The following USP25 variants were observed in gnomAD, a reference collection of about 807,000 sequenced individuals.
The protein encoded by USP25 is ubiquitin specific peptidase 25, also known as ubiquitin carboxyl-terminal hydrolase 25.
USP25 carries 85 observed loss-of-function variants against 158.5 expected under a neutral mutation model. The observed-to-expected ratio is 0.54, with a 90% CI of 0.45 to 0.64. USP25 has a LOEUF of 0.64. USP25 is among the 30% of genes least tolerant of loss of function. USP25 has a pLI of 0.00. For missense variants in USP25, 1,242 were observed against 1,327.3 expected, an observed-to-expected ratio of 0.94 and a Z score of 1.00; for synonymous variants, 464 against 460.4, an observed-to-expected ratio of 1.01 and a Z score of -0.10.
chr21:15,771,318 G>A (rs980007549), intron 3 of USP25, among the ~76,000 whole-genome samples: 1 of 152,052 alleles, frequency 6.6e-6, no homozygotes, highest in South Asian at 2.1e-4. Context: ...GCTCATATTT[G>A]AGGAACAGTA....
At chr21:15,771,766 C>T (rs1045275949) in intron 3 of USP25, among the ~76,000 whole-genome samples, 4 of 151,682 alleles carry the variant, frequency 2.6e-5, no homozygotes, top group African/African-American at 9.7e-5. Flanking sequence ...TGTATGTAGA[C>T]TTTTCCCTTC....
chr21:15,763,063 A>G, intron 2 of USP25, 95 bp downstream of exon 2: 2 of 1,141,758 alleles, frequency 1.8e-6, no homozygotes, highest in Non-Finnish European at 2.4e-6. Context: ...GGGGTATACC[A>G]TGTGGTAGTT....
At chr21:15,877,519 CCT>C in intron 24 of USP25, 1 of 226,052 alleles carries the variant, frequency 4.4e-6, no homozygotes, top group Non-Finnish European at 8.5e-6. Context: ...AAAAATGGCC[CCT>C]GTGTTGATGA....
intron 9 of USP25, among the ~76,000 whole-genome samples, chr21:15,818,161 A>G (rs1282257719): frequency 6.6e-6 from 1 of 152,162 alleles, no homozygotes; most frequent in Non-Finnish European, 1.5e-5. Context: ...CTGAGCTTAA[A>G]TGTCCTTTGC....
intron 22 of USP25, 112 bp from the exon 23 acceptor site, chr21:15,869,956 T>G: frequency 1.4e-6 from 1 of 730,480 alleles, no homozygotes; most frequent in Non-Finnish European, 2.1e-6. Context: ...TTTTGAACTC[T>G]TTATTTCTAT....
At chr21:15,825,180 G>A (rs924521181) in intron 12 of USP25, 119 bp downstream of exon 12, 20 of 684,104 alleles carry the variant, frequency 2.9e-5, no homozygotes, top group Non-Finnish European at 4.3e-5. Flanking sequence ...TTAATATTGT[G>A]TGAATAGTTT....
At chr21:15,735,295 A>G (rs184548037) in intron 1 of USP25, among the ~76,000 whole-genome samples, 3 of 151,594 alleles carry the variant, frequency 2.0e-5, no homozygotes, top group Admixed American at 1.3e-4. Context: ...AATATTCTGG[A>G]AAAAAAAAGC....
chr21:15,749,022 T>A (rs1027356911), intron 1 of USP25, among the ~76,000 whole-genome samples: 31 of 152,144 alleles, frequency 2.0e-4, no homozygotes, highest in Non-Finnish European at 3.5e-4. Flanking sequence ...GTTTTTTTTT[T>A]TAATTTTTTT....
chr21:15,830,397 G>T (rs2037738781), intron 14 of USP25, 134 bp from the exon 15 acceptor site: 2 of 595,880 alleles, frequency 3.4e-6, no homozygotes, highest in East Asian at 6.4e-5. Context: ...ATTTCAAATG[G>T]TAATGTTTTT....
In USP25 at chr21:15,826,158, T is replaced by C. The variant is rs1226627543; in HGVS notation, c.1305-46T>C. On this transcript the variant is annotated intron_variant, in intron 12 of 25. Transcript: ENST00000400183. The surrounding 1 kb of genome is among the most constrained non-coding windows in gnomAD (Gnocchi z 4.8). The stretch of plus-strand genomic sequence containing the variant: ...TATAATAATAATAAAGGCCCAAATA[T>C]GCTGTATATAGAAATAAAAGCATTT... 6.3e-7 allele frequency: 1 copy of C among 1,578,148 alleles called. No individual in the cohort carries two copies. The highest frequency in any genetic ancestry group is 1.8e-5 in the Admixed American group (1 of 57,004).
At chr21:15,830,253 C>G (rs1392492153) in intron 14 of USP25, among the ~76,000 whole-genome samples, 1 of 152,084 alleles carries the variant, frequency 6.6e-6, no homozygotes. Flanking sequence ...TTGAAACTCT[C>G]CTTTATAGAT....
intron 7 of USP25, among the ~76,000 whole-genome samples, chr21:15,806,145 C>G (rs1422973061): frequency 1.3e-5 from 2 of 152,294 alleles, no homozygotes; most frequent in Admixed American, 6.5e-5. Context: ...GCCTTTTAGG[C>G]TTAGTATCTA....
At chr21:15,800,305 A>G (rs1292726637) in intron 6 of USP25, among the ~76,000 whole-genome samples, 1 of 151,262 alleles carries the variant, frequency 6.6e-6, no homozygotes. Flanking sequence ...ATATAAAGTG[A>G]CAACACACAC....
chr21:15,877,766 ATTCT>A, intron 24 of USP25, 26 bp from the exon 25 acceptor site: 4 of 1,503,484 alleles, frequency 2.7e-6, no homozygotes, highest in Non-Finnish European at 3.6e-6. Flanking sequence ...ACAAAAACCT[ATTCT>A]TTTTTTTTTC....
intron 4 of USP25, among the ~76,000 whole-genome samples, chr21:15,790,394 C>T (rs574798920): frequency 3.3e-5 from 5 of 151,996 alleles, no homozygotes; most frequent in Admixed American, 1.3e-4. Context: ...TCTGTATTCA[C>T]ATGGATATTT....
intron 1 of USP25, among the ~76,000 whole-genome samples, chr21:15,741,017 CCTTT>C (rs1221999528): frequency 1.3e-5 from 2 of 152,030 alleles, no homozygotes; most frequent in Non-Finnish European, 2.9e-5. Flanking sequence ...TCCTGTATCA[CCTTT>C]CTCATTAATT....
intron 3 of USP25, among the ~76,000 whole-genome samples, chr21:15,771,584 T>C (rs907690612): frequency 1.3e-5 from 2 of 152,136 alleles, no homozygotes; most frequent in Non-Finnish European, 2.9e-5. Flanking sequence ...GGCAGTATTC[T>C]CGTTTCTGAT....
chr21:15,759,952 CTTTG>C (rs750284062), intron 1 of USP25, among the ~76,000 whole-genome samples: 20 of 152,256 alleles, frequency 1.3e-4, no homozygotes, highest in Admixed American at 6.5e-4. Context: ...TTTTATATGA[CTTTG>C]TTTGTGTACT....
At chr21:15,825,545 A>G (rs1279694827) in intron 12 of USP25, among the ~76,000 whole-genome samples, 1 of 152,178 alleles carries the variant, frequency 6.6e-6, no homozygotes, top group Non-Finnish European at 1.5e-5. Context: ...ATTCCATACC[A>G]GTGGATGGTA....
Sources: gnomAD v4.1 joint callset for allele counts (sites outside exome capture counted in the v4.1 genomes callset) on GRCh38, gnomAD v4.1.1 for gene constraint, Gnocchi (gnomAD v3.1) non-coding constraint, MANE v1.5 for transcripts, NCBI Gene and HGNC (gene_info 2026-07-23, HGNC 2026-07-21) for gene names.